KMT2B: variants seen among roughly 807,000 people sequenced by gnomAD.
KMT2B encodes histone-lysine N-methyltransferase 2B.
In KMT2B, 22 loss-of-function variants were observed where a neutral mutation model predicts 255.3. That is an observed-to-expected ratio of 0.09 (90% CI 0.06 to 0.12). KMT2B has a LOEUF of 0.12. Ranked by LOEUF, KMT2B falls within the 10% of genes least tolerant of loss-of-function variation. KMT2B has a pLI of 1.00. For missense variants in KMT2B, 3,149 were observed against 3,737.0 expected (o/e 0.84, Z 4.10); for synonymous variants, 1,730 against 1,498.1 (o/e 1.15, Z -3.57).
At position 35,733,708 on chromosome 19, in the gene KMT2B, C is replaced by T. The variant is rs781506620; in HGVS notation, c.7049+22C>T. 9.3e-6 allele frequency: 15 copies of T among 1,606,026 alleles called. No individual in the cohort carries two copies. The highest frequency in any genetic ancestry group is 1.2e-5 in the Non-Finnish European group (14 of 1,176,100). On this transcript the variant is annotated intron_variant, in intron 29 of 36. Coordinates refer to ENST00000420124, the MANE Select transcript of KMT2B (RefSeq NM_014727.3). This position sits in a 1 kb window ranked among gnomAD's most constrained non-coding sequence, Gnocchi z 4.3. ...CTGGGTGAGTGGCCAGGCCCCTCTCCCTGGAGGGTCTGGGACCTCTGTCCT... is the reference window on the plus strand; with the variant it reads ...CTGGGTGAGTGGCCAGGCCCCTCTCTCTGGAGGGTCTGGGACCTCTGTCCT...
At position 35,733,303 on chromosome 19, in the gene KMT2B, G is replaced by GCCCCCCCCCCCCCCCCCCCCC; in HGVS notation, c.6758_6759insCCCCCCCCCCCCCCCCCCCCC (p.Pro2253_Pro2259dup). On this transcript the variant is annotated inframe_insertion, in exon 28 of 37. Transcript: ENST00000420124. This position sits in a 1 kb window ranked among gnomAD's most constrained non-coding sequence, Gnocchi z 4.3. ...GCCCGTGGTCGGAGTGGTCCGCCCT[G>GCCCCCCCCCCCCCCCCCCCCC]CCCCGCCCCCGCCACCCCCTCCCCT... The GCCCCCCCCCCCCCCCCCCCCC allele has an allele frequency of 3.0e-6, 4 of 1,340,096 alleles. No homozygotes were observed. The highest frequency in any genetic ancestry group is 3.1e-6 in the Non-Finnish European group (3 of 961,262). The allele number at this position is 1,340,096 out of a possible 1,614,324, so 83.0% of individuals were successfully genotyped here.
In KMT2B at chr19:35,732,202, C is replaced by T. The variant is rs1367781740; in HGVS notation, c.5666-13C>T. ...GGTGGGAGCTGCTGGTAACACCAAC[C>T]CTCCCCCCACAGGAAGTCCATCTTC... On this transcript the variant is annotated splice_polypyrimidine_tract_variant and intron_variant, in intron 27 of 36. Transcript: ENST00000420124. 20 of 1,574,022 alleles carry T rather than the reference C, an allele frequency of 1.3e-5. No individual in the cohort carries two copies. Among genetic ancestry groups the T allele is most frequent in the Non-Finnish European group, 1.7e-5 (20 of 1,154,430 alleles).
rs772724062 is a variant in KMT2B, at chr19:35,720,173, C to T, written c.826C>T (p.Pro276Ser). Reference protein sequence around the residue: ...WKCKEGPGPGPGTPRRGGQSS... With the variant: ...WKCKEGPGPGSGTPRRGGQSS... ...ATGCAAGGAGGGGCCCGGTCCAGGA[C>T]CTGGGACCCCCAGGCGTGGAGGACA... The change falls in exon 3 of 37, where the codon CCT (proline) becomes TCT (serine). Residue 276 changes from proline (P) to serine (S), a missense_variant. Transcript: ENST00000420124. The T allele has an allele frequency of 1.2e-6, 2 of 1,604,866 alleles. No homozygotes were observed. The highest frequency in any genetic ancestry group is 1.7e-5 in the Admixed American group (1 of 58,368).
Position 35,732,238 on chromosome 19 carries a change from C to T in KMT2B, c.5689C>T (p.His1897Tyr). The change falls in exon 28 of 37, where the codon CAC becomes TAC. Residue 1897 changes from histidine to tyrosine, a missense_variant. This residue lies in a region of KMT2B where 897 missense variants were observed against 825.3 expected (regional missense o/e 1.09). Transcript: ENST00000420124. Reference protein sequence around the residue: ...SPGSPSSLTHHIPTVGDPDFP... With the variant: ...SPGSPSSLTHYIPTVGDPDFP... ...AGGAAGTCCATCTTCACTGACCCACCACATCCCCACAGTGGGAGACCCGGA... is the reference window on the plus strand; with the variant it reads ...AGGAAGTCCATCTTCACTGACCCACTACATCCCCACAGTGGGAGACCCGGA... 1 of 1,602,150 alleles carries T rather than the reference C, an allele frequency of 6.2e-7. No homozygotes were observed. Among genetic ancestry groups the T allele is most frequent in the Non-Finnish European group, 8.5e-7 (1 of 1,172,914 alleles).
At chr19:35,730,489 C>G (rs374191778) in intron 24 of KMT2B, 27 bp downstream of exon 24, 11 of 1,613,860 alleles carry the variant, frequency 6.8e-6, no homozygotes, top group Non-Finnish European at 9.3e-6. Context: ...CCGCCCTGTC[C>G]TCCTACCCTG....
At position 35,733,643 on chromosome 19, in the gene KMT2B, G is replaced by C. The variant is rs1320577400; in HGVS notation, c.7006G>C (p.Asp2336His). 6.3e-7 allele frequency: 1 copy of C among 1,598,768 alleles called. No homozygotes were observed. The highest frequency in any genetic ancestry group is 1.1e-5 in the South Asian group (1 of 88,362). Residue 2336 changes from aspartate (D) to histidine (H), a missense_variant, in exon 29 of 37, where the codon GAC becomes CAC. Transcript: ENST00000420124. This position sits in a 1 kb window ranked among gnomAD's most constrained non-coding sequence, Gnocchi z 4.3. The stretch of plus-strand genomic sequence containing the variant: ...AACCCCCACAGTGCGTGGGGTCCTT[G>C]ACCTGGATCGGCCTGGGGAGCCCGC... ...MKTPTVRGVL[D>H]LDRPGEPAGE...
rs1028238296 is a variant in KMT2B at position 35,738,098 on chromosome 19, C to T, written c.7779C>T (p.Arg2593=). The T allele has an allele frequency of 6.2e-7, 1 of 1,613,788 alleles. No homozygotes were observed. ...ACGGGCGAGGCCTGTTCTGTAAGCG[C>T]AACATCGACGCGGGGGAGATGGTCA... ...AIHGRGLFCK[R]NIDAGEMVIE... is the part of the protein sequence containing the mutation. Residue 2593 remains arginine, a synonymous_variant, in exon 36 of 37, where the codon CGC becomes CGT. Transcript: ENST00000420124. The surrounding 1 kb of genome is among the most constrained non-coding windows in gnomAD (Gnocchi z 8.7).
In KMT2B at chr19:35,732,043, G is replaced by T; in HGVS notation, c.5573G>T (p.Arg1858Leu). 1 of 1,612,392 alleles carries T rather than the reference G, an allele frequency of 6.2e-7. No homozygotes were observed. ...GGCAGCGCCCCTCCTCCAGCCCCCC[G>T]TTCTTTTTCGGGGGCTCGAATCAAA... is the stretch of plus-strand genomic sequence containing the variant. ...DSGSAPPPAPRSFSGARIKVP... is the reference protein window; with the variant it reads ...DSGSAPPPAPLSFSGARIKVP... Residue 1858 changes from arginine to leucine, a missense_variant, in exon 27 of 37, where the codon CGT (arginine) becomes CTT (leucine). Physicochemically the swap from Arg to Leu is moderately radical, Grantham distance 102. This residue lies in a region of KMT2B where 897 missense variants were observed against 825.3 expected (regional missense o/e 1.09). Coordinates refer to ENST00000420124, the MANE Select transcript of KMT2B (RefSeq NM_014727.3).
In KMT2B at chr19:35,718,398, C is replaced by G; in HGVS notation, c.363+17C>G. ...GACGAGGAGGTGAGGCGGTTGGAGGCGTCCCCGGCGCCGGGTGGGGCGGAG... is the reference window on the plus strand; with the variant it reads ...GACGAGGAGGTGAGGCGGTTGGAGGGGTCCCCGGCGCCGGGTGGGGCGGAG... On this transcript the variant is annotated intron_variant, in intron 1 of 36. Transcript: ENST00000420124. The surrounding 1 kb of genome is among the most constrained non-coding windows in gnomAD (Gnocchi z 5.0). 8.0e-7 allele frequency: 1 copy of G among 1,256,702 alleles called. No homozygotes were observed. Among genetic ancestry groups the G allele is most frequent in the Non-Finnish European group, 1.0e-6 (1 of 992,522 alleles). 77.8% of individuals were successfully genotyped at this position (1,256,702 alleles called of 1,614,324 possible).
chr19:35,729,129 C>T, intron 21 of KMT2B, 30 bp from the exon 22 acceptor site: 1 of 1,613,886 alleles, frequency 6.2e-7, no homozygotes, highest in South Asian at 1.1e-5. Flanking sequence ...CCTGGCCTCC[C>T]CACATCATGC....
chr19:35,738,666 T>G lies in KMT2B; in HGVS notation c.*109T>G. On this transcript the variant is annotated 3_prime_UTR_variant, in exon 37 of 37. Transcript: ENST00000420124. This position sits in a 1 kb window ranked among gnomAD's most constrained non-coding sequence, Gnocchi z 8.7. ...CTCCCAGAGCATCTCACCCCCACCC[T>G]CATGTTCAGGGTGGATGTGGGCATG... 1 of 1,270,452 alleles carries G rather than the reference T, an allele frequency of 7.9e-7. No individual in the cohort carries two copies. Among genetic ancestry groups the G allele is most frequent in the Non-Finnish European group, 1.1e-6 (1 of 928,764 alleles). 78.7% of individuals were successfully genotyped at this position (1,270,452 alleles called of 1,614,324 possible).
chr19:35,731,492 G>T (rs1244298393), intron 26 of KMT2B, among the ~76,000 whole-genome samples: 2 of 152,216 alleles, frequency 1.3e-5, no homozygotes, highest in African/African-American at 2.4e-5. Context: ...AGTTTTGGGT[G>T]GAGGAGGGAG....
Position 35,730,782 on chromosome 19 carries a change from G to A in KMT2B, c.5352G>A (p.Arg1784=), listed in dbSNP as rs748170013. The change falls in exon 26 of 37, where the codon CGG becomes CGA. Residue 1784 remains arginine, a synonymous_variant. Coordinates refer to ENST00000420124, the MANE Select transcript of KMT2B (RefSeq NM_014727.3). ...CWYRCRILEY[R]PWGPREEPAH... Reference sequence around the variant, plus strand: ...ATCGGTGCCGAATTCTGGAGTATCGGCCATGGGGGCCGAGGGAAGAGCCAG... The same window carrying A: ...ATCGGTGCCGAATTCTGGAGTATCGACCATGGGGGCCGAGGGAAGAGCCAG... 1 of 1,613,788 alleles carries A rather than the reference G, an allele frequency of 6.2e-7. No homozygotes were observed. The highest frequency in any genetic ancestry group is 8.5e-7 in the Non-Finnish European group (1 of 1,179,872).
Position 35,718,092 on chromosome 19 carries a change from G to C in KMT2B, c.74G>C (p.Arg25Pro), listed in dbSNP as rs1182126402. ...CGGGGCCGCTTCCCGGGCCGGCCGC[G>C]GGGCGCCGGCGGGGGCGGGGGCCGC... ...SARGRFPGRPRGAGGGGGRGG... is the reference protein window; with the variant it reads ...SARGRFPGRPPGAGGGGGRGG... Residue 25 changes from arginine to proline, a missense_variant, in exon 1 of 37, where the codon CGG becomes CCG. Around this residue, in one of 18 missense-constraint regions of KMT2B, gnomAD observed 10 missense variants for 26.9 expected, o/e 0.37. Coordinates refer to ENST00000420124, the MANE Select transcript of KMT2B (RefSeq NM_014727.3). The surrounding 1 kb of genome is among the most constrained non-coding windows in gnomAD (Gnocchi z 5.0). 1.0e-6 allele frequency: 1 copy of C among 988,672 alleles called. No homozygotes were observed. Among genetic ancestry groups the C allele is most frequent in the Non-Finnish European group, 1.2e-6 (1 of 833,610 alleles). 61.2% of individuals were successfully genotyped at this position (988,672 alleles called of 1,614,324 possible). A position where few individuals can be genotyped will look rare whatever the true frequency, so the allele number is the denominator to read the frequency against.
In KMT2B at chr19:35,727,669, C is replaced by T. The variant is rs1179612714; in HGVS notation, c.4303-29C>T. On this transcript the variant is annotated intron_variant, in intron 16 of 36. Coordinates refer to ENST00000420124, the MANE Select transcript of KMT2B (RefSeq NM_014727.3). The surrounding 1 kb of genome is among the most constrained non-coding windows in gnomAD (Gnocchi z 4.2). ...GGATGGGCCGGGGCTAGGCCCACCCCCAGCCCTGCTAACTTCCCCGCTTTG... is the reference window on the plus strand; with the variant it reads ...GGATGGGCCGGGGCTAGGCCCACCCTCAGCCCTGCTAACTTCCCCGCTTTG... 1 of 1,613,268 alleles carries T rather than the reference C, an allele frequency of 6.2e-7. No homozygotes were observed. Among genetic ancestry groups the T allele is most frequent in the Admixed American group, 1.7e-5 (1 of 60,028 alleles).
chr19:35,731,802 G>T (rs762999691), intron 26 of KMT2B, 106 bp from the exon 27 acceptor site: 118 of 867,656 alleles, frequency 1.4e-4, no homozygotes, highest in Non-Finnish European at 2.2e-4. Context: ...GTTGTGACTG[G>T]GTCAGGGTCG....
chr19:35,731,873 C>A, intron 26 of KMT2B, 35 bp from the exon 27 acceptor site: 1 of 1,490,414 alleles, frequency 6.7e-7, no homozygotes, highest in South Asian at 1.1e-5. Context: ...GACACAGAGC[C>A]CCTACCACCC....
Position 35,732,280 on chromosome 19 carries a change from A to G in KMT2B, c.5731A>G (p.Arg1911Gly), listed in dbSNP as rs1969733421. The change falls in exon 28 of 37, where the codon AGA becomes GGA. Residue 1911 changes from arginine (R) to glycine (G), a missense_variant. Around this residue, in one of 18 missense-constraint regions of KMT2B, gnomAD observed 897 missense variants for 825.3 expected, o/e 1.09. Transcript: ENST00000420124. ...AGACCCGGACTTCCCAGCTCCCCCC[A>G]GACGTTCCCGTCGTCCCAGCCCTTT... ...VGDPDFPAPP[R>G]RSRRPSPLAP... 1 of 1,609,712 alleles carries G rather than the reference A, an allele frequency of 6.2e-7. No homozygotes were observed. Among genetic ancestry groups the G allele is most frequent in the Non-Finnish European group, 8.5e-7 (1 of 1,178,272 alleles).
At chr19:35,731,883 C>T in intron 26 of KMT2B, 25 bp from the exon 27 acceptor site, 1 of 1,551,158 alleles carries the variant, frequency 6.4e-7, no homozygotes. Context: ...CCCTACCACC[C>T]CAATGCCATT....
Sources: allele counts gnomAD v4.1 joint callset (sites outside exome capture counted in the v4.1 genomes callset), GRCh38; gene constraint gnomAD v4.1.1; regional missense constraint gnomAD v4.1.1; non-coding constraint Gnocchi (gnomAD v3.1); transcripts MANE v1.5; gene names NCBI Gene and HGNC (gene_info 2026-07-23, HGNC 2026-07-21).